MAP4: variants seen among roughly 807,000 people sequenced by gnomAD.
MAP4 encodes the protein microtubule associated protein 4, also known as microtubule-associated protein 4.
MAP4 carries 76 observed loss-of-function variants against 170.2 expected under a neutral mutation model. The observed-to-expected ratio is 0.45, with a 90% confidence interval of 0.37 to 0.54. MAP4 has a LOEUF of 0.54. Ranked by LOEUF, MAP4 falls within the 20% of genes least tolerant of loss-of-function variation. MAP4 has a pLI of 0.00. For synonymous variants in MAP4, 909 were observed against 994.5 expected, an observed-to-expected ratio of 0.91 and a Z score of 1.62; for missense variants, 2,506 against 2,748.0, an observed-to-expected ratio of 0.91 and a Z score of 1.97.
In MAP4 at chr3:47,852,921, C is replaced by A; in HGVS notation, c.*13G>T. 6.2e-7 allele frequency: 1 copy of A among 1,611,544 alleles called. No individual in the cohort carries two copies. The highest frequency in any genetic ancestry group is 8.5e-7 in the Non-Finnish European group (1 of 1,178,458). ...GGGCCCTGGCATTTGCCCGGAACGT[C>A]AGCCTGTAGGTCTCAATCTGCAGTG... On this transcript the variant is annotated 3_prime_UTR_variant, in exon 21 of 21. Coordinates refer to ENST00000683076, the MANE Select transcript of MAP4 (RefSeq NM_001385682.1).
At chr3:48,023,438 G>T (rs746884922) in intron 1 of MAP4, among the ~76,000 whole-genome samples, 7 of 152,134 alleles carry the variant, frequency 4.6e-5, no homozygotes, top group Admixed American at 3.3e-4. Flanking sequence ...AGGAGGCTTC[G>T]GAAAGATGGA....
intron 19 of MAP4, among the ~76,000 whole-genome samples, chr3:47,854,121 C>A (rs2049997462): frequency 6.6e-6 from 1 of 152,090 alleles, no homozygotes; most frequent in East Asian, 1.9e-4. Flanking sequence ...CGATTAAAAA[C>A]AATAATTCCA....
chr3:47,913,807 G>C (rs1186104483), intron 8 of MAP4, among the ~76,000 whole-genome samples: 1 of 152,122 alleles, frequency 6.6e-6, no homozygotes, highest in Non-Finnish European at 1.5e-5. Flanking sequence ...CCATATGTCA[G>C]GATGTCCACA....
intron 3 of MAP4, among the ~76,000 whole-genome samples, chr3:47,941,987 G>C (rs1483638153): frequency 6.6e-6 from 1 of 152,102 alleles, no homozygotes; most frequent in Non-Finnish European, 1.5e-5. Context: ...TTTACTAAGG[G>C]CTGTGCTAGT....
At chr3:47,977,955 A>T in intron 2 of MAP4, 22 bp from the exon 3 acceptor site, 1 of 1,513,988 alleles carries the variant, frequency 6.6e-7, no homozygotes, top group Non-Finnish European at 9.2e-7. Flanking sequence ...ACAAATAATT[A>T]CCCATTGTGA....
chr3:47,974,655 C>T (rs190068313), intron 3 of MAP4: 1 of 940,010 alleles, frequency 1.1e-6, no homozygotes, highest in Non-Finnish European at 1.3e-6. Context: ...TACCATTGTA[C>T]AGTACTAATC....
At chr3:47,882,934 G>A (rs2096997945) in intron 10 of MAP4, among the ~76,000 whole-genome samples, 1 of 151,892 alleles carries the variant, frequency 6.6e-6, no homozygotes, top group Non-Finnish European at 1.5e-5. Flanking sequence ...AGCCAACCGA[G>A]CAGCTGGGAT....
intron 2 of MAP4, among the ~76,000 whole-genome samples, chr3:47,981,871 G>A (rs554207356): frequency 6.6e-6 from 1 of 152,102 alleles, no homozygotes; most frequent in South Asian, 2.1e-4. Context: ...TATTTCATCA[G>A]AGAAAGAAAT....
rs1330360848 is a variant in MAP4, at chr3:47,939,410, T to A, written c.293-11060A>T. Among the ~76,000 whole-genome samples, 4 of 152,238 alleles carry A rather than the reference T, an allele frequency of 2.6e-5. 1 individual carries two copies. Among genetic ancestry groups the A allele is most frequent in the African/African-American group, 9.6e-5 (4 of 41,466 alleles). ...TTTTACTACTTTTATTTCCTCACAA[T>A]GCCTAGCTAACTGCATGAGACAGAA... On this transcript the variant is annotated intron_variant, in intron 3 of 20. Coordinates refer to ENST00000683076, the MANE Select transcript of MAP4 (RefSeq NM_001385682.1).
chr3:47,879,765 T>C (rs2096338617), intron 10 of MAP4, among the ~76,000 whole-genome samples: 1 of 152,192 alleles, frequency 6.6e-6, no homozygotes, highest in Non-Finnish European at 1.5e-5. Context: ...GGCTTCTTCA[T>C]GTTACCCCTC....
intron 9 of MAP4, among the ~76,000 whole-genome samples, chr3:47,904,472 C>A (rs908143209): frequency 2.6e-5 from 4 of 151,750 alleles, no homozygotes; most frequent in African/African-American, 9.7e-5. Context: ...CTGTCATACC[C>A]AGCTAATTTT....
At chr3:48,064,797 C>A (rs947815614) in intron 1 of MAP4, among the ~76,000 whole-genome samples, 1 of 152,096 alleles carries the variant, frequency 6.6e-6, no homozygotes, top group East Asian at 1.9e-4. Flanking sequence ...GGCTACAAAC[C>A]TGTACAGCAT....
rs2100059010 is a variant in MAP4 at position 47,945,152 on chromosome 3, A to AGAC, written c.293-16805_293-16803dup. 2.0e-5 allele frequency among the ~76,000 whole-genome samples: 3 copies of AGAC among 151,988 alleles called. No homozygotes were observed. The South Asian group carries it at 6.2e-4, about 32-fold the overall frequency. On this transcript the variant is annotated intron_variant, in intron 3 of 20. Coordinates refer to ENST00000683076, the MANE Select transcript of MAP4 (RefSeq NM_001385682.1). ...TGAATCACCTGAGGTCAGGAGTTCG[A>AGAC]GACCAGCCTGACCCACAGGGTGAAA...
chr3:47,972,315 G>A (rs1391260785), intron 3 of MAP4, among the ~76,000 whole-genome samples: 1 of 152,190 alleles, frequency 6.6e-6, no homozygotes, highest in Non-Finnish European at 1.5e-5. Flanking sequence ...GTTACTGAAT[G>A]TAGTAAATTT....
intron 7 of MAP4, 83 bp from the exon 8 acceptor site, chr3:47,915,022 A>G (rs2100037983): frequency 3.2e-6 from 5 of 1,550,296 alleles, no homozygotes; most frequent in Admixed American, 1.7e-5. Context: ...TGGATATGGG[A>G]TTAGTTTCTG....
chr3:47,891,559 TG>T (rs1559930534), intron 10 of MAP4: 1 of 1,530,252 alleles, frequency 6.5e-7, no homozygotes, highest in South Asian at 1.2e-5. Flanking sequence ...GGTTGACAGC[TG>T]GGGGAACTGA....
intron 3 of MAP4, among the ~76,000 whole-genome samples, chr3:47,930,062 G>A (rs369730767): frequency 2.8e-4 from 43 of 152,272 alleles, no homozygotes; most frequent in East Asian, 1.7e-3. Context: ...CCTGGGAGGC[G>A]AAGGTTGCAG....
chr3:48,087,755 A>ACGCG, intron 1 of MAP4, among the ~76,000 whole-genome samples: 1 of 151,232 alleles, frequency 6.6e-6, no homozygotes, highest in Middle Eastern at 3.4e-3. Flanking sequence ...GCACACACAC[A>ACGCG]CACACACACA....
chr3:48,025,169 T>C (rs960106344), intron 1 of MAP4, among the ~76,000 whole-genome samples: 1 of 152,152 alleles, frequency 6.6e-6, no homozygotes, highest in Non-Finnish European at 1.5e-5. Context: ...CTGTATAAGA[T>C]TGTGGATATC....
Sources: allele counts gnomAD v4.1 joint callset (sites outside exome capture counted in the v4.1 genomes callset), GRCh38; gene constraint gnomAD v4.1.1; transcripts MANE v1.5; gene names NCBI Gene and HGNC (gene_info 2026-07-23, HGNC 2026-07-21).